The following SUPT3H variants were observed in gnomAD, a reference collection of about 807,000 sequenced individuals.
SUPT3H encodes the protein SPT3 homolog, SAGA and STAGA complex component, also known as transcription initiation protein SPT3 homolog.
Under a neutral mutation model 44.3 loss-of-function variants are expected in SUPT3H, and 44 were observed. The observed-to-expected ratio is 0.99, with a 90% CI of 0.78 to 1.28. SUPT3H has a LOEUF of 1.28. Among genes scored for constraint, SUPT3H ranks in the 50% most tolerant of loss-of-function variants. The pLI, the probability that SUPT3H is intolerant of heterozygous loss-of-function variation, is 0.00. For synonymous variants in SUPT3H, 124 were observed against 125.6 expected, an observed-to-expected ratio of 0.99 and a Z score of 0.09; for missense variants, 380 against 387.1, an observed-to-expected ratio of 0.98 and a Z score of 0.15.
At chr6:45,148,833 G>T (rs572604401) in intron 2 of SUPT3H, among the ~76,000 whole-genome samples, 1 of 152,020 alleles carries the variant, frequency 6.6e-6, no homozygotes, top group South Asian at 2.1e-4. Context: ...CCATTTTCCC[G>T]TAAGTCCTGT....
intron 2 of SUPT3H, among the ~76,000 whole-genome samples, chr6:45,230,171 A>G (rs553658991): frequency 6.6e-6 from 1 of 152,324 alleles, no homozygotes; most frequent in South Asian, 2.1e-4. Flanking sequence ...TGTTAGATAA[A>G]ATGACTTCCA....
chr6:45,117,114 T>TA lies in SUPT3H; in HGVS notation c.102-11109dup, dbSNP rs769680152. 5.3e-4 allele frequency among the ~76,000 whole-genome samples: 81 copies of TA among 151,480 alleles called. 1 individual carries two copies. The East Asian group carries it at 8.3e-3, about 16-fold the overall frequency. On this transcript the variant is annotated intron_variant, in intron 2 of 10. Coordinates refer to ENST00000371459, the MANE Select transcript of SUPT3H (RefSeq NM_003599.4). The stretch of plus-strand genomic sequence containing the variant: ...ATTTAGGTCCTACCCAAGTTTTCAT[T>TA]AAAAAAAAAGTTATAAAACTTTTAG...
intron 10 of SUPT3H, among the ~76,000 whole-genome samples, chr6:44,830,189 C>T (rs1276036894): frequency 2.0e-5 from 3 of 152,102 alleles, no homozygotes. Flanking sequence ...GTTCTCTATT[C>T]GATATGCTCA....
At chr6:45,310,869 T>C (rs898208496) in intron 2 of SUPT3H, among the ~76,000 whole-genome samples, 4 of 151,956 alleles carry the variant, frequency 2.6e-5, no homozygotes, top group African/African-American at 9.7e-5. Context: ...CAAAACAGGG[T>C]TCATCAACAC....
chr6:44,946,784 A>G lies in SUPT3H; in HGVS notation c.801+6526T>C, dbSNP rs549558969. Among the ~76,000 whole-genome samples, 148 of 152,360 alleles carry G rather than the reference A, an allele frequency of 9.7e-4. 1 individual carries two copies. In the South Asian group the frequency reaches 9.7e-3, roughly 10 times the overall value. On this transcript the variant is annotated intron_variant, in intron 9 of 10. Coordinates refer to ENST00000371459, the MANE Select transcript of SUPT3H (RefSeq NM_003599.4). Reference sequence around the variant, plus strand: ...CTACAAAGGACTTAGACTTAGTTCCATAAACTTAGCTGATAAAGCAATGTC... The same window carrying G: ...CTACAAAGGACTTAGACTTAGTTCCGTAAACTTAGCTGATAAAGCAATGTC...
At chr6:45,118,030 C>T (rs557605991) in intron 2 of SUPT3H, among the ~76,000 whole-genome samples, 10 of 152,048 alleles carry the variant, frequency 6.6e-5, no homozygotes, top group Non-Finnish European at 1.3e-4. Context: ...GACATTAAGA[C>T]ACAACTCTAC....
chr6:45,069,392 T>A (rs1262422732), intron 3 of SUPT3H, among the ~76,000 whole-genome samples: 3 of 152,150 alleles, frequency 2.0e-5, no homozygotes, highest in African/African-American at 7.2e-5. Context: ...AATCTGGATA[T>A]CATCACCTGG....
chr6:45,134,951 A>C (rs1804045213), intron 2 of SUPT3H, among the ~76,000 whole-genome samples: 1 of 152,206 alleles, frequency 6.6e-6, no homozygotes, highest in African/African-American at 2.4e-5. Context: ...CAGGGTGTCC[A>C]CAACATCCAC....
intron 10 of SUPT3H, among the ~76,000 whole-genome samples, chr6:44,927,754 G>C (rs1372225216): frequency 6.6e-6 from 1 of 152,062 alleles, no homozygotes; most frequent in African/African-American, 2.4e-5. Flanking sequence ...TTTTTACATG[G>C]TATTTAAATT....
At chr6:45,375,203 A>G (rs1407582725) in intron 1 of SUPT3H, among the ~76,000 whole-genome samples, 3 of 152,208 alleles carry the variant, frequency 2.0e-5, no homozygotes, top group Non-Finnish European at 4.4e-5. Flanking sequence ...GTGAAACTCC[A>G]TCTCAAAAAT....
At chr6:45,157,343 T>C (rs763586622) in intron 2 of SUPT3H, among the ~76,000 whole-genome samples, 6 of 152,076 alleles carry the variant, frequency 3.9e-5, no homozygotes, top group Non-Finnish European at 7.4e-5. Context: ...ATTTATAATG[T>C]ATCATCAGAT....
intron 2 of SUPT3H, among the ~76,000 whole-genome samples, chr6:45,311,594 T>C (rs1226522662): frequency 2.0e-5 from 3 of 152,190 alleles, no homozygotes; most frequent in Non-Finnish European, 4.4e-5. Flanking sequence ...AAGGAAAACC[T>C]ATCAGATTAA....
At position 44,835,885 on chromosome 6, in the gene SUPT3H, G is replaced by C. The variant is rs1769783175; in HGVS notation, c.913-6028C>G. ...CAAATTCAACTGCTCCCATATGTCC[G>C]AATTCAGCCCTGGTCTCTGTGAGGT... is the stretch of plus-strand genomic sequence containing the variant. On this transcript the variant is annotated intron_variant, in intron 10 of 10. Transcript: ENST00000371459. 2.6e-5 allele frequency among the ~76,000 whole-genome samples: 4 copies of C among 151,932 alleles called. No individual in the cohort carries two copies. The South Asian group carries it at 8.3e-4, about 32-fold the overall frequency.
intron 6 of SUPT3H, among the ~76,000 whole-genome samples, chr6:44,993,049 A>G (rs560126352): frequency 2.6e-5 from 4 of 152,136 alleles, no homozygotes; most frequent in Non-Finnish European, 4.4e-5. Flanking sequence ...TGTAGTCTCA[A>G]CTACTTGGGA....
At chr6:45,210,206 C>A (rs948394437) in intron 2 of SUPT3H, among the ~76,000 whole-genome samples, 1 of 152,056 alleles carries the variant, frequency 6.6e-6, no homozygotes, top group Non-Finnish European at 1.5e-5. Flanking sequence ...AATCTGCCAT[C>A]CATTTTATTC....
chr6:45,277,141 C>G (rs930141550), intron 2 of SUPT3H, among the ~76,000 whole-genome samples: 1 of 152,130 alleles, frequency 6.6e-6, no homozygotes, highest in Non-Finnish European at 1.5e-5. Flanking sequence ...CAACTGAATT[C>G]ATTTTGGGAC....
intron 10 of SUPT3H, among the ~76,000 whole-genome samples, chr6:44,926,917 T>G (rs1207168235): frequency 1.3e-5 from 2 of 152,194 alleles, no homozygotes; most frequent in Non-Finnish European, 2.9e-5. Context: ...TATACAATTA[T>G]GAAGTCATTC....
At chr6:44,997,204 T>A (rs972300033) in intron 6 of SUPT3H, among the ~76,000 whole-genome samples, 4 of 151,822 alleles carry the variant, frequency 2.6e-5, no homozygotes, top group South Asian at 2.1e-4. Flanking sequence ...AAGTTTTTTT[T>A]AAATCCTGCT....
chr6:44,930,219 A>AC (rs1464889753), intron 10 of SUPT3H, among the ~76,000 whole-genome samples: 1 of 152,046 alleles, frequency 6.6e-6, no homozygotes, highest in Non-Finnish European at 1.5e-5. Flanking sequence ...TCTACTAAAA[A>AC]ACACACACAA....
Sources: allele counts gnomAD v4.1 joint callset (sites outside exome capture counted in the v4.1 genomes callset), GRCh38; gene constraint gnomAD v4.1.1; transcripts MANE v1.5; gene names NCBI Gene and HGNC (gene_info 2026-07-23, HGNC 2026-07-21).